XRCC5: variants seen among roughly 807,000 people sequenced by gnomAD.
The protein encoded by XRCC5 is DNA repair protein Ku80.
A neutral mutation model predicts 95.7 loss-of-function variants in XRCC5; 12 were observed. That is an observed-to-expected ratio of 0.13 (90% CI 0.08 to 0.20). The LOEUF (loss-of-function observed/expected upper bound fraction) is 0.20, where lower values mean the gene tolerates loss of function less well. Ranked by LOEUF, XRCC5 falls within the 10% of genes least tolerant of loss-of-function variation. The pLI, the probability that XRCC5 is intolerant of heterozygous loss-of-function variation, is 1.00. For synonymous variants in XRCC5, 281 were observed against 290.3 expected, an observed-to-expected ratio of 0.97 and a Z score of 0.33; for missense variants, 595 against 873.9, an observed-to-expected ratio of 0.68 and a Z score of 4.02.
intron 1 of XRCC5, chr2:216,111,514 C>A: frequency 3.6e-6 from 1 of 280,474 alleles, no homozygotes; most frequent in Non-Finnish European, 7.3e-6. Context: ...ACAGTGAGAC[C>A]ATGTCTCAAA....
intron 16 of XRCC5, among the ~76,000 whole-genome samples, chr2:216,170,558 C>T (rs1689144755): frequency 6.6e-6 from 1 of 152,098 alleles, no homozygotes; most frequent in African/African-American, 2.4e-5. Context: ...ACAAGAACAG[C>T]AAAGGGGAAG....
Position 216,149,039 on chromosome 2 carries a change from C to A in XRCC5, c.1670+763C>A, listed in dbSNP as rs554119333. Among the ~76,000 whole-genome samples, 11 of 152,202 alleles carry A rather than the reference C, an allele frequency of 7.2e-5. No individual in the cohort carries two copies. In the South Asian group the frequency reaches 2.3e-3, roughly 32 times the overall value. On this transcript the variant is annotated intron_variant, in intron 14 of 20. Coordinates refer to ENST00000392132, the MANE Select transcript of XRCC5 (RefSeq NM_021141.4). ...TCAAGCTGGAATAATCTATACATTT[C>A]TTTTGGCTGTATTTTGAAATCTGAT...
chr2:216,123,557 G>A (rs540779972), intron 6 of XRCC5, among the ~76,000 whole-genome samples: 13 of 152,308 alleles, frequency 8.5e-5, no homozygotes, highest in African/African-American at 2.6e-4. Flanking sequence ...TGTAATTCCA[G>A]CACTTTGGGA....
chr2:216,154,868 A>C (rs1478202873), intron 14 of XRCC5, among the ~76,000 whole-genome samples: 1 of 152,210 alleles, frequency 6.6e-6, no homozygotes, highest in Non-Finnish European at 1.5e-5. Flanking sequence ...AGATAAGAGA[A>C]TCCAGATAAG....
Position 216,175,370 on chromosome 2 carries a change from C to G in XRCC5, c.1834+13322C>G, listed in dbSNP as rs41302458. ...ACCACTTCCAGAGTTTCCTCCACAA[C>G]CCATAAAGTTGTCAGATCCACCTCC... is the stretch of plus-strand genomic sequence containing the variant. On this transcript the variant is annotated intron_variant, in intron 16 of 20. Transcript: ENST00000392132. The G allele has an allele frequency of 1.4e-3, 664 of 488,730 alleles. 1 individual carries two copies. The highest frequency in any genetic ancestry group is 0.012 in the African/African-American group (612 of 50,194). The allele number at this position is 488,730 out of a possible 1,614,324, so 30.3% of individuals were successfully genotyped here. A position where few individuals can be genotyped will look rare whatever the true frequency, so the allele number is the denominator to read the frequency against.
At chr2:216,185,627 T>A (rs1689479879) in intron 16 of XRCC5, among the ~76,000 whole-genome samples, 1 of 152,178 alleles carries the variant, frequency 6.6e-6, no homozygotes, top group Admixed American at 6.5e-5. Context: ...AATTTTGTGT[T>A]ATAAAGATGC....
At chr2:216,116,547 C>T (rs1696700865) in intron 2 of XRCC5, 112 bp from the exon 3 acceptor site, 1 of 1,184,528 alleles carries the variant, frequency 8.4e-7, no homozygotes, top group South Asian at 1.3e-5. Flanking sequence ...ACTATATGGC[C>T]CCAGGGACCT....
At chr2:216,127,782 TATAGAA>T in intron 8 of XRCC5, 108 bp downstream of exon 8, 1 of 1,242,806 alleles carries the variant, frequency 8.0e-7, no homozygotes, top group Non-Finnish European at 1.1e-6. Flanking sequence ...TTCTTTGAGT[TATAGAA>T]ATATAACAGT....
At chr2:216,129,638 G>T (rs1426218946) in intron 8 of XRCC5, among the ~76,000 whole-genome samples, 1 of 152,156 alleles carries the variant, frequency 6.6e-6, no homozygotes, top group Non-Finnish European at 1.5e-5. Flanking sequence ...GTTTGGTTTT[G>T]TCACTAGCTT....
At chr2:216,149,362 A>G (rs1373128505) in intron 14 of XRCC5, among the ~76,000 whole-genome samples, 1 of 152,078 alleles carries the variant, frequency 6.6e-6, no homozygotes, top group Non-Finnish European at 1.5e-5. Context: ...ACCATCTCTC[A>G]AGGAAATTGA....
chr2:216,111,727 G>A (rs968467220), intron 1 of XRCC5, among the ~76,000 whole-genome samples: 5 of 152,028 alleles, frequency 3.3e-5, no homozygotes, highest in African/African-American at 4.8e-5. Flanking sequence ...TTGTTTGATC[G>A]GTACAAAGCA....
Position 216,192,666 on chromosome 2 carries a change from T to C in XRCC5, c.1972T>C (p.Phe658Leu), listed in dbSNP as rs771627363. 6.3e-7 allele frequency: 1 copy of C among 1,599,020 alleles called. No homozygotes were observed. The change falls in exon 18 of 21, where the codon TTC becomes CTC. Residue 658 changes from phenylalanine to leucine, a missense_variant. Phe to Leu is a conservative substitution (Grantham distance 22). Coordinates refer to ENST00000392132, the MANE Select transcript of XRCC5 (RefSeq NM_021141.4). ...TTCAGAAGAGCAGCGCTTTAACAAC[T>C]TCCTGAAAGCCCTTCAAGAGAAAGT... ...KFSEEQRFNN[F>L]LKALQEKVEI... is the part of the protein sequence containing the mutation.
At position 216,109,382 on chromosome 2, in the gene XRCC5, G is replaced by A; in HGVS notation, c.-55G>A. The A allele has an allele frequency of 6.2e-7, 1 of 1,612,528 alleles. No individual in the cohort carries two copies. Among genetic ancestry groups the A allele is most frequent in the Admixed American group, 1.7e-5 (1 of 59,874 alleles). On this transcript the variant is annotated 5_prime_UTR_variant, in exon 1 of 21. Coordinates refer to ENST00000392132, the MANE Select transcript of XRCC5 (RefSeq NM_021141.4). ...CGCTTGTCCACCGGAAGCGAGTTGC[G>A]ACACGGCAGGTTCCCGCCCGGAAGA...
chr2:216,127,437 C>A, intron 7 of XRCC5, 99 bp from the exon 8 acceptor site: 1 of 1,360,898 alleles, frequency 7.3e-7, no homozygotes, highest in Non-Finnish European at 9.7e-7. Flanking sequence ...AGTAATTGTT[C>A]TGGATTTTTG....
chr2:216,179,395 GT>G (rs1178957751), intron 16 of XRCC5, among the ~76,000 whole-genome samples: 1 of 152,134 alleles, frequency 6.6e-6, no homozygotes, highest in African/African-American at 2.4e-5. Context: ...GTAAGGTCAC[GT>G]TGTGAGGTTT....
intron 6 of XRCC5, among the ~76,000 whole-genome samples, chr2:216,123,193 A>G (rs1298144486): frequency 1.3e-5 from 2 of 152,176 alleles, no homozygotes; most frequent in Non-Finnish European, 2.9e-5. Flanking sequence ...AACAACTAGA[A>G]TTTTTTTAAG....
intron 5 of XRCC5, among the ~76,000 whole-genome samples, chr2:216,119,821 T>C (rs528225014): frequency 5.3e-4 from 80 of 152,270 alleles, no homozygotes; most frequent in Non-Finnish European, 9.4e-4. Flanking sequence ...TTCTCTGTGT[T>C]ATATCCCTAA....
At chr2:216,152,759 G>A (rs1387394532) in intron 14 of XRCC5, among the ~76,000 whole-genome samples, 1 of 151,680 alleles carries the variant, frequency 6.6e-6, no homozygotes, top group Non-Finnish European at 1.5e-5. Context: ...CTGGGCTCAA[G>A]TGATCTCCCA....
At chr2:216,193,887 A>G (rs1475574725) in intron 18 of XRCC5, among the ~76,000 whole-genome samples, 1 of 152,224 alleles carries the variant, frequency 6.6e-6, no homozygotes, top group Admixed American at 6.5e-5. Context: ...AATAGGAAGA[A>G]GAGCAAACTA....
Sources: gnomAD v4.1 joint callset for allele counts (sites outside exome capture counted in the v4.1 genomes callset) on GRCh38, gnomAD v4.1.1 for gene constraint, MANE v1.5 for transcripts, NCBI Gene and HGNC (gene_info 2026-07-23, HGNC 2026-07-21) for gene names.